Variants in AKAP19 observed in about 807,000 individuals in gnomAD.
The protein encoded by AKAP19 is small A-kinase anchoring protein.
chr2:189,933,503 C>T, the AKAP19 span, among the ~76,000 whole-genome samples: 1 of 152,118 alleles, frequency 6.6e-6, no homozygotes, highest in Non-Finnish European at 1.5e-5. Flanking sequence ...ATTTTACTGC[C>T]TAAATATCTA....
the AKAP19 span, among the ~76,000 whole-genome samples, chr2:190,134,780 A>C: frequency 7.9e-6 from 1 of 126,384 alleles, no homozygotes. Flanking sequence ...GCATTTTCCC[A>C]AGGGTGCATC....
the AKAP19 span, among the ~76,000 whole-genome samples, chr2:190,144,062 C>A: frequency 1.4e-5 from 2 of 146,476 alleles, no homozygotes; most frequent in Non-Finnish European, 3.0e-5. Flanking sequence ...GGGAGATATA[C>A]CTAATGGTGG....
chr2:190,019,030 T>C, the AKAP19 span, among the ~76,000 whole-genome samples: 1 of 152,222 alleles, frequency 6.6e-6, no homozygotes. Flanking sequence ...TACCGCTGTT[T>C]GCATTCTGCA....
the AKAP19 span, among the ~76,000 whole-genome samples, chr2:189,935,978 C>A: frequency 2.0e-5 from 3 of 151,974 alleles, no homozygotes; most frequent in African/African-American, 7.2e-5. Flanking sequence ...GAAGACAGAA[C>A]AGTTTTTGGT....
chr2:190,189,397 G>GGAA, the AKAP19 span, among the ~76,000 whole-genome samples: 1 of 152,156 alleles, frequency 6.6e-6, no homozygotes, highest in Admixed American at 6.5e-5. Flanking sequence ...GTCAGCAAGT[G>GGAA]GAAGAGCCAG....
At chr2:189,894,350 C>A in the AKAP19 span, among the ~76,000 whole-genome samples, 1 of 152,148 alleles carries the variant, frequency 6.6e-6, no homozygotes, top group African/African-American at 2.4e-5. Flanking sequence ...ATGCCCCTTT[C>A]TCTTAGAATG....
chr2:189,899,288 G>C, the AKAP19 span, among the ~76,000 whole-genome samples: 1 of 152,072 alleles, frequency 6.6e-6, no homozygotes, highest in Non-Finnish European at 1.5e-5. Context: ...AGTTTTTATA[G>C]CTTAGTGATA....
At chr2:190,004,352 T>C in the AKAP19 span, among the ~76,000 whole-genome samples, 1 of 152,188 alleles carries the variant, frequency 6.6e-6, no homozygotes, top group East Asian at 1.9e-4. Context: ...ATATGTCAGA[T>C]ATTATCTGTA....
At chr2:189,981,284 T>C in the AKAP19 span, among the ~76,000 whole-genome samples, 1 of 151,892 alleles carries the variant, frequency 6.6e-6, no homozygotes, top group East Asian at 1.9e-4. Context: ...TTTTTTTTTT[T>C]TTTTTTTGCT....
the AKAP19 span, among the ~76,000 whole-genome samples, chr2:190,183,713 G>C: frequency 6.6e-6 from 1 of 151,962 alleles, no homozygotes; most frequent in Non-Finnish European, 1.5e-5. Flanking sequence ...TGTTTTTATA[G>C]AGGTTGTCAG....
At chr2:190,156,270 GA>G in the AKAP19 span, among the ~76,000 whole-genome samples, 1 of 151,722 alleles carries the variant, frequency 6.6e-6, no homozygotes, top group African/African-American at 2.4e-5. Context: ...TATTAATCTG[GA>G]AAAAAAGTAT....
At chr2:190,063,137 G>A in the AKAP19 span, among the ~76,000 whole-genome samples, 46 of 151,966 alleles carry the variant, frequency 3.0e-4, no homozygotes, top group Non-Finnish European at 5.2e-4. Flanking sequence ...AGTATTTGAA[G>A]TAGAAAATAT....
chr2:190,133,095 G>A, the AKAP19 span, among the ~76,000 whole-genome samples: 186 of 151,794 alleles, frequency 1.2e-3, 1 homozygote, highest in African/African-American at 4.3e-3. Flanking sequence ...AAAATTAGCC[G>A]GGCGTGGTGG....
the AKAP19 span, among the ~76,000 whole-genome samples, chr2:189,955,785 T>C: frequency 2.6e-5 from 4 of 152,324 alleles, no homozygotes; most frequent in East Asian, 7.7e-4. Context: ...AACACCATCA[T>C]GTGACAAAGT....
At chr2:190,002,984 G>GT in the AKAP19 span, among the ~76,000 whole-genome samples, 17 of 151,794 alleles carry the variant, frequency 1.1e-4, no homozygotes, top group Admixed American at 2.6e-4. Flanking sequence ...AATCCTGAGG[G>GT]TTTTTTTAAT....
the AKAP19 span, among the ~76,000 whole-genome samples, chr2:189,913,128 C>T: frequency 6.6e-6 from 1 of 152,034 alleles, no homozygotes; most frequent in Admixed American, 6.6e-5. Flanking sequence ...CTCAATGATG[C>T]TTTAAATGTA....
the AKAP19 span, among the ~76,000 whole-genome samples, chr2:189,975,638 CT>C: frequency 5.3e-5 from 8 of 151,640 alleles, no homozygotes; most frequent in South Asian, 1.0e-3. Context: ...TAGATTTGGT[CT>C]TTTCACATAG....
the AKAP19 span, among the ~76,000 whole-genome samples, chr2:190,192,452 C>CTGTGTGTGTGTG: frequency 7.2e-3 from 1,052 of 145,334 alleles, 11 homozygotes; most frequent in African/African-American, 0.02. Context: ...AATTCAGAAT[C>CTGTGTGTGTGTG]TGTGTGTGTG....
chr2:190,094,865 A>T, the AKAP19 span, among the ~76,000 whole-genome samples: 1 of 152,208 alleles, frequency 6.6e-6, no homozygotes, highest in Admixed American at 6.5e-5. Flanking sequence ...CTTTATCTGG[A>T]TATGGATCAT....
Sources: gnomAD v4.1 joint callset for allele counts (sites outside exome capture counted in the v4.1 genomes callset) on GRCh38, gnomAD v4.1.1 for gene constraint, MANE v1.5 for transcripts, NCBI Gene and HGNC (gene_info 2026-07-23, HGNC 2026-07-21) for gene names.